The following OCRL variants were observed in gnomAD, a reference collection of about 807,000 sequenced individuals.
OCRL encodes the protein inositol polyphosphate 5-phosphatase OCRL.
Under a neutral mutation model 78.9 loss-of-function variants are expected in OCRL, and 8 were observed. The ratio of observed to expected loss-of-function variants is 0.10; its 90% CI spans 0.06 to 0.18. The LOEUF is 0.18. Ranked by LOEUF, OCRL falls within the 10% of genes least tolerant of loss-of-function variation. OCRL has a pLI of 1.00. For synonymous variants in OCRL, 240 were observed against 235.4 expected, an observed-to-expected ratio of 1.02 and a Z score of -0.18; for missense variants, 454 against 696.7, an observed-to-expected ratio of 0.65 and a Z score of 3.92.
intron 4 of OCRL, among the ~76,000 whole-genome samples, chrX:129,551,561 A>G (rs1253859557): frequency 4.5e-5 from 5 of 111,348 alleles, no homozygotes; most frequent in African/African-American, 1.6e-4. Context: ...CAGCCTCCCG[A>G]GTAGCTGGGA....
chrX:129,556,659 T>G (rs1173552312), intron 4 of OCRL, among the ~76,000 whole-genome samples: 3 of 112,273 alleles, frequency 2.7e-5, no homozygotes, highest in African/African-American at 6.5e-5. Flanking sequence ...CCTAGCTAAC[T>G]TTGCTTCTAA....
chrX:129,553,740 C>T (rs1935998570), intron 4 of OCRL, among the ~76,000 whole-genome samples: 1 of 111,634 alleles, frequency 9.0e-6, no homozygotes, highest in Non-Finnish European at 1.9e-5. Context: ...TAAGAGGGCT[C>T]AAGAAGATGG....
intron 3 of OCRL, among the ~76,000 whole-genome samples, chrX:129,547,244 G>A (rs1264039557): frequency 4.5e-5 from 5 of 110,021 alleles, no homozygotes; most frequent in South Asian, 3.9e-4. Flanking sequence ...AAAGAAAACC[G>A]GCTGGGCGCG....
intron 13 of OCRL, 40 bp from the exon 14 acceptor site, chrX:129,567,214 A>G (rs1037723248): frequency 3.3e-6 from 3 of 897,047 alleles, no homozygotes; most frequent in Non-Finnish European, 4.9e-6. Context: ...ATATTAAGAT[A>G]GTGTTATCCT....
At chrX:129,548,515 A>T in intron 3 of OCRL, 48 bp from the exon 4 acceptor site, 1 of 1,022,610 alleles carries the variant, frequency 9.8e-7, no homozygotes, top group Non-Finnish European at 1.4e-6. Flanking sequence ...GGTTGTAGTG[A>T]GTGGTTTTCT....
intron 15 of OCRL, 149 bp from the exon 16 acceptor site, chrX:129,574,991 C>T (rs914556820): frequency 2.1e-6 from 1 of 473,072 alleles, no homozygotes; most frequent in Non-Finnish European, 3.8e-6. Flanking sequence ...GTGGATGAAG[C>T]AAGATATAGA....
chrX:129,576,620 A>G, intron 18 of OCRL, 68 bp downstream of exon 18: 1 of 832,851 alleles, frequency 1.2e-6, no homozygotes, highest in Non-Finnish European at 1.8e-6. Flanking sequence ...TGACGTCCTC[A>G]TTATCTTTGT....
Position 129,590,281 on chromosome X carries a change from G to GTT in OCRL, c.*12_*13dup. 8 of 1,210,344 alleles carry GTT rather than the reference G, an allele frequency of 6.6e-6. No homozygotes were observed. The highest frequency in any genetic ancestry group is 8.9e-6 in the Non-Finnish European group (8 of 894,845). Reference sequence around the variant, plus strand: ...AGCGAAGAAGACTAAGGCTTTTACTGTTCTCTGATATTCTAGAAGCAGACG... The same window carrying GTT: ...AGCGAAGAAGACTAAGGCTTTTACTGTTTTCTCTGATATTCTAGAAGCAGACG... On this transcript the variant is annotated 3_prime_UTR_variant, in exon 24 of 24. Coordinates refer to ENST00000371113, the MANE Select transcript of OCRL (RefSeq NM_000276.4).
intron 4 of OCRL, among the ~76,000 whole-genome samples, chrX:129,551,432 G>GT (rs1183531623): frequency 1.8e-5 from 2 of 111,540 alleles, no homozygotes; most frequent in East Asian, 2.8e-4. Context: ...GATAATTGTA[G>GT]TTTTTTTTGT....
chrX:129,561,325 A>G, intron 10 of OCRL, 32 bp downstream of exon 10: 4 of 896,389 alleles, frequency 4.5e-6, no homozygotes, highest in Non-Finnish European at 4.9e-6. Context: ...TTTTAAGTGT[A>G]TGACTAAATA....
intron 2 of OCRL, among the ~76,000 whole-genome samples, chrX:129,544,339 G>A (rs181110884): frequency 9.0e-6 from 1 of 111,397 alleles, no homozygotes; most frequent in African/African-American, 3.3e-5. Flanking sequence ...GGAAACCAGA[G>A]AAGAAACAAG....
At chrX:129,560,831 C>T (rs1407100673) in intron 9 of OCRL, among the ~76,000 whole-genome samples, 180 bp downstream of exon 9, 1 of 112,587 alleles carries the variant, frequency 8.9e-6, no homozygotes, top group African/African-American at 3.2e-5. Flanking sequence ...TGTAAGGAAG[C>T]ATCTAATTTT....
chrX:129,581,701 T>TTATA (rs748895748), intron 18 of OCRL, among the ~76,000 whole-genome samples: 1 of 95,192 alleles, frequency 1.1e-5, no homozygotes, highest in African/African-American at 4.1e-5. Context: ...TACTTAGAAA[T>TTATA]TATATATATA....
chrX:129,557,987 C>A, intron 6 of OCRL, 37 bp downstream of exon 6: 2 of 878,099 alleles, frequency 2.3e-6, no homozygotes, highest in Non-Finnish European at 3.4e-6. Flanking sequence ...TTGCTATGGT[C>A]ATTGCAGAGT....
At chrX:129,547,478 T>A (rs1283948642) in intron 3 of OCRL, among the ~76,000 whole-genome samples, 1 of 97,559 alleles carries the variant, frequency 1.0e-5, no homozygotes. Flanking sequence ...TGAGCCGAGA[T>A]CGTGCCACTG....
At chrX:129,581,515 A>G (rs780105018) in intron 18 of OCRL, among the ~76,000 whole-genome samples, 2 of 110,594 alleles carry the variant, frequency 1.8e-5, no homozygotes, top group Non-Finnish European at 3.8e-5. Context: ...GTTGAATTCA[A>G]TGTAATTTCT....
chrX:129,584,264 C>T, intron 18 of OCRL, 80 bp from the exon 19 acceptor site: 7 of 906,753 alleles, frequency 7.7e-6, no homozygotes, highest in Non-Finnish European at 1.1e-5. Flanking sequence ...AGTTCTAATA[C>T]TGATCTGTTT....
chrX:129,588,626 C>G (rs1009904011), intron 21 of OCRL, among the ~76,000 whole-genome samples: 2 of 111,921 alleles, frequency 1.8e-5, no homozygotes, highest in African/African-American at 3.3e-5. Context: ...TAGGACTGCT[C>G]CAGTGTCAAC....
At chrX:129,565,720 GT>G (rs902569448) in intron 12 of OCRL, 51 bp from the exon 13 acceptor site, 21 of 966,360 alleles carry the variant, frequency 2.2e-5, no homozygotes, top group Admixed American at 4.4e-5. Flanking sequence ...ATCCTTCTCT[GT>G]TTTTTTTATG....
Sources: allele counts gnomAD v4.1 joint callset (sites outside exome capture counted in the v4.1 genomes callset), GRCh38; gene constraint gnomAD v4.1.1; transcripts MANE v1.5; gene names NCBI Gene and HGNC (gene_info 2026-07-23, HGNC 2026-07-21).